NAA25: variants seen among roughly 807,000 people sequenced by gnomAD.
The protein encoded by NAA25 is N-terminal acetyltransferase B complex subunit NAA25.
NAA25 carries 30 observed loss-of-function variants against 132.5 expected under a neutral mutation model. The observed-to-expected ratio is 0.23, with a 90% CI of 0.17 to 0.31. The LOEUF is 0.31. Among genes scored for constraint, NAA25 ranks in the 10% least tolerant of loss-of-function variants. The probability of loss-of-function intolerance (pLI) is 1.00; values close to 1 mark genes in which losing one functional copy is unlikely to be tolerated. For missense variants in NAA25, 771 were observed against 1,150.4 expected, an observed-to-expected ratio of 0.67 and a Z score of 4.77; for synonymous variants, 359 against 401.9, an observed-to-expected ratio of 0.89 and a Z score of 1.28.
At position 112,047,678 on chromosome 12, in the gene NAA25, C is replaced by A; in HGVS notation, c.1993G>T (p.Asp665Tyr). ...NRDLNVFFSW[D>Y]PKDRDVSEEH... ...AATTCCAGTTACCTGTCTTTTGGAT[C>A]CCAGCTGAAAAAAACATTTAAGTCT... The change falls in exon 17 of 24, where the codon GAT becomes TAT. Residue 665 changes from aspartate (D) to tyrosine (Y), a missense_variant. By Grantham distance (160) the Asp-to-Tyr change is radical. Around this residue, in one of 3 missense-constraint regions of NAA25, gnomAD observed 324 missense variants for 400.0 expected, o/e 0.81. Coordinates refer to ENST00000261745, the MANE Select transcript of NAA25 (RefSeq NM_024953.4). The A allele has an allele frequency of 1.9e-6, 3 of 1,610,412 alleles. No homozygotes were observed. The highest frequency in any genetic ancestry group is 2.5e-6 in the Non-Finnish European group (3 of 1,179,158).
In NAA25 at chr12:112,061,397, T is replaced by A. The variant is rs769888084; in HGVS notation, c.1150-9A>T. On this transcript the variant is annotated splice_polypyrimidine_tract_variant and intron_variant, in intron 11 of 23. Coordinates refer to ENST00000261745, the MANE Select transcript of NAA25 (RefSeq NM_024953.4). ...AGTAACTGATTAATAAACTGCAAAG[T>A]GGGGAAAAAAGGAGCAAAGGTCTCA... The A allele has an allele frequency of 1.9e-6, 3 of 1,610,010 alleles. No homozygotes were observed. The highest frequency in any genetic ancestry group is 2.5e-6 in the Non-Finnish European group (3 of 1,177,208).
intron 2 of NAA25, among the ~76,000 whole-genome samples, chr12:112,091,245 A>G (rs1177932881): frequency 3.6e-5 from 5 of 138,398 alleles, no homozygotes; most frequent in African/African-American, 5.7e-5. Flanking sequence ...TCCTGTCTCG[A>G]AAAAAAAAAA....
intron 1 of NAA25, among the ~76,000 whole-genome samples, chr12:112,103,965 G>C (rs529442366): frequency 6.6e-6 from 1 of 152,246 alleles, no homozygotes; most frequent in African/African-American, 2.4e-5. Context: ...ACACCCTGCT[G>C]CTCACCTCCT....
intron 14 of NAA25, among the ~76,000 whole-genome samples, 186 bp downstream of exon 14, chr12:112,054,202 A>G (rs916204726): frequency 2.0e-5 from 3 of 152,200 alleles, no homozygotes; most frequent in Non-Finnish European, 4.4e-5. Flanking sequence ...AAATTGTGCA[A>G]ATTTTCAAAT....
chr12:112,032,101 C>T (rs1019881747), intron 23 of NAA25, among the ~76,000 whole-genome samples: 38 of 151,734 alleles, frequency 2.5e-4, no homozygotes, highest in African/African-American at 8.9e-4. Context: ...GTAGCTGGGA[C>T]TAGAGGCGCC....
intron 1 of NAA25, 56 bp downstream of exon 1, chr12:112,108,660 G>T: frequency 7.1e-7 from 1 of 1,402,568 alleles, no homozygotes; most frequent in South Asian, 1.5e-5. Context: ...TTTCGCCCCA[G>T]CCTCGGCAGC....
intron 9 of NAA25, 28 bp from the exon 10 acceptor site, chr12:112,072,092 T>C: frequency 3.1e-6 from 5 of 1,597,802 alleles, no homozygotes; most frequent in Non-Finnish European, 4.3e-6. Context: ...AAAAAGGAAT[T>C]TTATTGCCTC....
chr12:112,051,795 G>T (rs2136833424), intron 15 of NAA25, among the ~76,000 whole-genome samples: 1 of 152,190 alleles, frequency 6.6e-6, no homozygotes, highest in South Asian at 2.1e-4. Flanking sequence ...TGCCTATATT[G>T]CAACACTTTT....
chr12:112,048,719 A>T (rs200960686), intron 15 of NAA25, among the ~76,000 whole-genome samples: 1 of 152,188 alleles, frequency 6.6e-6, no homozygotes, highest in East Asian at 1.9e-4. Flanking sequence ...CTTTCAATTC[A>T]ATAGGAACTG....
intron 10 of NAA25, 68 bp downstream of exon 10, chr12:112,071,827 A>ATTGTTG: frequency 8.9e-7 from 1 of 1,122,190 alleles, no homozygotes; most frequent in Non-Finnish European, 1.2e-6. Context: ...TGTAGATCTC[A>ATTGTTG]ACTAATGAAT....
rs940475926 is a variant in NAA25 at position 112,027,663 on chromosome 12, T to TA, written c.*1867dup. 1 of 152,226 alleles carries TA rather than the reference T, an allele frequency of 6.6e-6. No individual in the cohort carries two copies. Among genetic ancestry groups the TA allele is most frequent in the African/African-American group, 2.4e-5 (1 of 41,440 alleles). 9.4% of individuals were successfully genotyped at this position (152,226 alleles called of 1,614,324 possible). ...TGCTAGATTGATCATGGTCAGTCGA[T>TA]AGACTTTTTCAAAGAGCATTTCTAC... On this transcript the variant is annotated 3_prime_UTR_variant, in exon 24 of 24. Coordinates refer to ENST00000261745, the MANE Select transcript of NAA25 (RefSeq NM_024953.4).
intron 10 of NAA25, among the ~76,000 whole-genome samples, chr12:112,071,323 G>T (rs371270222): frequency 6.6e-6 from 1 of 151,716 alleles, no homozygotes; most frequent in Admixed American, 6.6e-5. Flanking sequence ...ACCCAGCCAG[G>T]TTTTTTTATT....
At chr12:112,053,528 A>G (rs765375472) in intron 15 of NAA25, 30 bp downstream of exon 15, 2 of 1,472,982 alleles carry the variant, frequency 1.4e-6, no homozygotes. Context: ...AGCAGACAAG[A>G]TCACAGTTAA....
intron 1 of NAA25, among the ~76,000 whole-genome samples, chr12:112,102,639 C>T (rs1215839497): frequency 6.6e-6 from 1 of 152,050 alleles, no homozygotes; most frequent in East Asian, 1.9e-4. Context: ...ACAATCTCAG[C>T]TCACTGCAGC....
chr12:112,070,336 T>C (rs2078786525), intron 10 of NAA25, among the ~76,000 whole-genome samples: 1 of 152,198 alleles, frequency 6.6e-6, no homozygotes, highest in South Asian at 2.1e-4. Flanking sequence ...AAGGATTCTC[T>C]CAATGCTTTA....
Position 112,078,662 on chromosome 12 carries a change from T to C in NAA25, c.557A>G (p.Lys186Arg). ...AGCCTCAGCTTCTATCTTGTCCTCTTTCACCATTTTTTCGACCATTCTCTC... is the reference window on the plus strand; with the variant it reads ...AGCCTCAGCTTCTATCTTGTCCTCTCTCACCATTTTTTCGACCATTCTCTC... ...LAERMVEKMV[K>R]EDKIEAEAEV... Residue 186 changes from lysine (K) to arginine (R), a missense_variant, in exon 6 of 24, where the codon AAA becomes AGA. Lys to Arg is a conservative substitution (Grantham distance 26). Transcript: ENST00000261745. The C allele has an allele frequency of 1.2e-6, 2 of 1,614,056 alleles. No individual in the cohort carries two copies. The highest frequency in any genetic ancestry group is 1.7e-4 in the Middle Eastern group (1 of 6,060).
At chr12:112,102,872 T>A (rs1259487596) in intron 1 of NAA25, among the ~76,000 whole-genome samples, 4 of 152,170 alleles carry the variant, frequency 2.6e-5, no homozygotes, top group Non-Finnish European at 5.9e-5. Context: ...ATATTTTTAG[T>A]AGAGACGGAG....
intron 11 of NAA25, 101 bp from the exon 12 acceptor site, chr12:112,061,489 A>G (rs2078629171): frequency 4.7e-6 from 4 of 843,286 alleles, no homozygotes; most frequent in Admixed American, 5.8e-5. Flanking sequence ...AGACATCAAG[A>G]AAAAAAAAAC....
At chr12:112,041,881 A>G (rs1317333953) in intron 20 of NAA25, among the ~76,000 whole-genome samples, 158 bp downstream of exon 20, 1 of 152,188 alleles carries the variant, frequency 6.6e-6, no homozygotes, top group East Asian at 1.9e-4. Context: ...TCATTCACAC[A>G]CATATGTGTT....
Sources: allele counts gnomAD v4.1 joint callset (sites outside exome capture counted in the v4.1 genomes callset), GRCh38; gene constraint gnomAD v4.1.1; regional missense constraint gnomAD v4.1.1; transcripts MANE v1.5; gene names NCBI Gene and HGNC (gene_info 2026-07-23, HGNC 2026-07-21).